Variants in YWHAE observed in about 807,000 individuals in gnomAD.
The protein encoded by YWHAE is 14-3-3 protein epsilon.
YWHAE carries 4 observed loss-of-function variants against 30.1 expected under a neutral mutation model. That is an observed-to-expected ratio of 0.13 (90% CI 0.07 to 0.30). The LOEUF is 0.30. Ranked by LOEUF, YWHAE falls within the 10% of genes least tolerant of loss-of-function variation. The pLI, the probability that YWHAE is intolerant of heterozygous loss-of-function variation, is 1.00. For missense variants in YWHAE, 121 were observed against 315.9 expected (o/e 0.38, Z 4.68); for synonymous variants, 118 against 111.8 (o/e 1.06, Z -0.35).
At position 1,344,958 on chromosome 17, in the gene YWHAE, C is replaced by CTT. The variant is rs1449943196; in HGVS notation, c.*487_*488dup. On this transcript the variant is annotated 3_prime_UTR_variant, in exon 6 of 6. Transcript: ENST00000264335. ...ACAACGAAGTCCCTCCCCAAACCAC[C>CTT]TTTAACCATCTCAAGCTAACACCCA... The CTT allele has an allele frequency of 6.4e-5, 15 of 234,754 alleles. No individual in the cohort carries two copies. In the East Asian group the frequency reaches 9.1e-4, roughly 14 times the overall value. 14.5% of individuals were successfully genotyped at this position (234,754 alleles called of 1,614,324 possible).
chr17:1,381,072 A>G (rs1567977581), intron 1 of YWHAE, among the ~76,000 whole-genome samples: 1 of 152,186 alleles, frequency 6.6e-6, no homozygotes, highest in East Asian at 1.9e-4. Context: ...ATACATGCTA[A>G]AGAAATACAT....
intron 1 of YWHAE, among the ~76,000 whole-genome samples, chr17:1,379,145 C>T (rs1215100924): frequency 1.3e-5 from 2 of 152,142 alleles, no homozygotes; most frequent in Non-Finnish European, 2.9e-5. Context: ...GTTGACTATA[C>T]TCATGTCAGT....
At position 1,400,210 on chromosome 17, in the gene YWHAE, G is replaced by T; in HGVS notation, c.-100C>A. ...TCCGCGTCCGGGCAGCAAAAATGGC[G>T]GCGCCTCAATCCGGGACTTCCGCCT... On this transcript the variant is annotated 5_prime_UTR_variant, in exon 1 of 6. Coordinates refer to ENST00000264335, the MANE Select transcript of YWHAE (RefSeq NM_006761.5). 7.0e-7 allele frequency: 1 copy of T among 1,422,240 alleles called. No individual in the cohort carries two copies. The highest frequency in any genetic ancestry group is 9.9e-7 in the Non-Finnish European group (1 of 1,014,284). 88.1% of individuals were successfully genotyped at this position (1,422,240 alleles called of 1,614,324 possible).
At chr17:1,353,984 T>C (rs2072684931) in intron 5 of YWHAE, among the ~76,000 whole-genome samples, 1 of 152,174 alleles carries the variant, frequency 6.6e-6, no homozygotes, top group African/African-American at 2.4e-5. Flanking sequence ...ACTCCTCCTG[T>C]CCTCAACCTT....
chr17:1,385,724 T>A (rs2073290554), intron 1 of YWHAE, among the ~76,000 whole-genome samples: 1 of 152,184 alleles, frequency 6.6e-6, no homozygotes, highest in Admixed American at 6.6e-5. Context: ...TTCCATTACC[T>A]GTTACCTGCA....
At chr17:1,357,051 C>T (rs1382051367) in intron 4 of YWHAE, among the ~76,000 whole-genome samples, 3 of 151,246 alleles carry the variant, frequency 2.0e-5, no homozygotes, top group African/African-American at 2.4e-5. Context: ...GGGCAGATCA[C>T]GAGGTCAGGA....
chr17:1,351,839 G>A (rs948625652), intron 5 of YWHAE, among the ~76,000 whole-genome samples: 7 of 152,072 alleles, frequency 4.6e-5, no homozygotes, highest in African/African-American at 1.4e-4. Flanking sequence ...AGGCTAGAGT[G>A]CAGTGGGGCG....
intron 1 of YWHAE, among the ~76,000 whole-genome samples, chr17:1,389,984 C>T (rs1053666581): frequency 6.6e-6 from 1 of 152,144 alleles, no homozygotes; most frequent in East Asian, 1.9e-4. Context: ...GCTGGGATTA[C>T]AAGCGCCTGC....
chr17:1,374,428 T>A (rs1245009805), intron 1 of YWHAE, among the ~76,000 whole-genome samples: 1 of 152,194 alleles, frequency 6.6e-6, no homozygotes, highest in Non-Finnish European at 1.5e-5. Context: ...TTTGTATGAA[T>A]AAATGCTTTC....
At chr17:1,385,673 T>G (rs1477882068) in intron 1 of YWHAE, among the ~76,000 whole-genome samples, 2 of 152,146 alleles carry the variant, frequency 1.3e-5, no homozygotes, top group African/African-American at 2.4e-5. Context: ...AGGATGCAGG[T>G]GGCCTGCTCC....
At chr17:1,364,675 C>T (rs923524602) in intron 2 of YWHAE, 184 bp downstream of exon 2, 1 of 722,210 alleles carries the variant, frequency 1.4e-6, no homozygotes, top group Admixed American at 3.0e-5. Flanking sequence ...GTTTTGTCCT[C>T]ATGCATAGCC....
chr17:1,364,794 A>C, intron 2 of YWHAE, 65 bp downstream of exon 2: 2 of 1,568,778 alleles, frequency 1.3e-6, no homozygotes, highest in Non-Finnish European at 1.7e-6. Flanking sequence ...TCAAAATCTT[A>C]AGTGTACCGT....
chr17:1,391,924 A>G (rs1209794998), intron 1 of YWHAE, among the ~76,000 whole-genome samples: 1 of 152,172 alleles, frequency 6.6e-6, no homozygotes, highest in Non-Finnish European at 1.5e-5. Flanking sequence ...CCTCTACCAA[A>G]AAAATTTTTT....
chr17:1,384,601 G>A (rs1031897283), intron 1 of YWHAE, among the ~76,000 whole-genome samples: 14 of 152,072 alleles, frequency 9.2e-5, no homozygotes, highest in Non-Finnish European at 1.9e-4. Context: ...GCTGAGGCAG[G>A]ATAATGGAGT....
chr17:1,378,251 T>C lies in YWHAE; in HGVS notation c.65-13193A>G, dbSNP rs1402036440. Among the ~76,000 whole-genome samples the C allele has an allele frequency of 5.3e-5, 8 of 152,314 alleles. No individual in the cohort carries two copies. In the East Asian group the frequency reaches 1.2e-3, roughly 22 times the overall value. On this transcript the variant is annotated intron_variant, in intron 1 of 5. Transcript: ENST00000264335. ...GATACTTCTGACCCCATGAAATAAC[T>C]GAGGACATTTCTGCAGAAGGCTGAC...
At chr17:1,387,376 A>G (rs907180962) in intron 1 of YWHAE, among the ~76,000 whole-genome samples, 4 of 152,226 alleles carry the variant, frequency 2.6e-5, no homozygotes, top group African/African-American at 9.6e-5. Context: ...TCAATGACCT[A>G]AAACACTAAG....
At position 1,345,357 on chromosome 17, in the gene YWHAE, T is replaced by C; in HGVS notation, c.*90A>G. On this transcript the variant is annotated 3_prime_UTR_variant, in exon 6 of 6. Transcript: ENST00000264335. Reference sequence around the variant, plus strand: ...TGAGACCAAATGTAAAAGTCAGATTTGGTGGTTCTCAGTGACAATGGGGAG... The same window carrying C: ...TGAGACCAAATGTAAAAGTCAGATTCGGTGGTTCTCAGTGACAATGGGGAG... 7.6e-7 allele frequency: 1 copy of C among 1,308,978 alleles called. No individual in the cohort carries two copies. Among genetic ancestry groups the C allele is most frequent in the Non-Finnish European group, 1.1e-6 (1 of 913,250 alleles). The allele number at this position is 1,308,978 out of a possible 1,614,324, so 81.1% of individuals were successfully genotyped here.
At chr17:1,392,624 C>T (rs1215768941) in intron 1 of YWHAE, among the ~76,000 whole-genome samples, 1 of 151,754 alleles carries the variant, frequency 6.6e-6, no homozygotes, top group African/African-American at 2.4e-5. Context: ...CTGAGGCAGG[C>T]GGACTACCTG....
intron 3 of YWHAE, chr17:1,361,636 T>A (rs2041453768): frequency 2.3e-6 from 1 of 431,162 alleles, no homozygotes; most frequent in South Asian, 5.2e-5. Context: ...AAATAAAATG[T>A]CTATATATAA....
Sources: allele counts gnomAD v4.1 joint callset (sites outside exome capture counted in the v4.1 genomes callset), GRCh38; gene constraint gnomAD v4.1.1; transcripts MANE v1.5; gene names NCBI Gene and HGNC (gene_info 2026-07-23, HGNC 2026-07-21).